Variants in KCNMA1 observed in about 807,000 individuals in gnomAD.
KCNMA1 encodes the protein potassium calcium-activated channel subfamily M alpha 1.
Under a neutral mutation model 140.0 loss-of-function variants are expected in KCNMA1, and 29 were observed. That is an observed-to-expected ratio of 0.21 (90% CI 0.15 to 0.28). The LOEUF (loss-of-function observed/expected upper bound fraction) is 0.28, where lower values mean the gene tolerates loss of function less well. Ranked by LOEUF, KCNMA1 falls within the 10% of genes least tolerant of loss-of-function variation. The probability of loss-of-function intolerance (pLI) is 1.00; values close to 1 mark genes in which losing one functional copy is unlikely to be tolerated. For synonymous variants in KCNMA1, 612 were observed against 611.9 expected, an observed-to-expected ratio of 1.00 and a Z score of 0.00; for missense variants, 880 against 1,602.2, an observed-to-expected ratio of 0.55 and a Z score of 7.70.
chr10:77,491,433 C>T (rs74365053), intron 1 of KCNMA1, among the ~76,000 whole-genome samples: 1 of 152,148 alleles, frequency 6.6e-6, no homozygotes, highest in African/African-American at 2.4e-5. Context: ...ATTCCCCCCA[C>T]GGCGTGCTAT....
At chr10:77,438,719 A>G (rs1229377958) in intron 1 of KCNMA1, among the ~76,000 whole-genome samples, 1 of 152,234 alleles carries the variant, frequency 6.6e-6, no homozygotes, top group Non-Finnish European at 1.5e-5. Context: ...GGGCAGAGCC[A>G]GGATTGGCTA....
intron 23 of KCNMA1, among the ~76,000 whole-genome samples, chr10:76,922,551 T>C (rs2056248699): frequency 6.6e-6 from 1 of 152,156 alleles, no homozygotes; most frequent in South Asian, 2.1e-4. Context: ...GGCCTGTCCG[T>C]ATTCTCCCCA....
At chr10:77,502,340 C>A (rs919158541) in intron 1 of KCNMA1, among the ~76,000 whole-genome samples, 1 of 152,242 alleles carries the variant, frequency 6.6e-6, no homozygotes, top group South Asian at 2.1e-4. Flanking sequence ...GACGAGGAGA[C>A]GGAGGCCCGT....
chr10:76,969,575 C>G (rs2075384445), intron 20 of KCNMA1, among the ~76,000 whole-genome samples: 1 of 152,156 alleles, frequency 6.6e-6, no homozygotes, highest in Non-Finnish European at 1.5e-5. Flanking sequence ...GTACAGAAAA[C>G]AGTCCTCGGA....
chr10:77,432,869 G>C (rs1603618311), intron 1 of KCNMA1, among the ~76,000 whole-genome samples: 1 of 152,250 alleles, frequency 6.6e-6, no homozygotes, highest in African/African-American at 2.4e-5. Context: ...GGGGCAGGGA[G>C]GGAAGAAGGA....
chr10:77,505,154 T>C (rs2045375034), intron 1 of KCNMA1, among the ~76,000 whole-genome samples: 1 of 152,236 alleles, frequency 6.6e-6, no homozygotes, highest in Non-Finnish European at 1.5e-5. Flanking sequence ...GCCCCCTTGC[T>C]ACGTGCCTGG....
chr10:77,085,718 T>C (rs974693054), intron 11 of KCNMA1, among the ~76,000 whole-genome samples: 2 of 152,202 alleles, frequency 1.3e-5, no homozygotes, highest in African/African-American at 2.4e-5. Flanking sequence ...GGATTATTCA[T>C]CTTGGCCAAT....
At chr10:77,261,521 AT>A (rs2062002781) in intron 2 of KCNMA1, among the ~76,000 whole-genome samples, 2 of 152,230 alleles carry the variant, frequency 1.3e-5, no homozygotes, top group South Asian at 4.1e-4. Flanking sequence ...TGTTCATCTC[AT>A]TTTGCCCAAA....
chr10:76,887,782 G>C, intron 27 of KCNMA1: 1 of 496,514 alleles, frequency 2.0e-6, no homozygotes, highest in East Asian at 3.8e-5. Context: ...CGCTTCTCGT[G>C]GTCTACATGT....
At chr10:76,946,098 C>T (rs2063863659) in intron 22 of KCNMA1, among the ~76,000 whole-genome samples, 1 of 151,822 alleles carries the variant, frequency 6.6e-6, no homozygotes, top group Admixed American at 6.6e-5. Flanking sequence ...TGGAAAAATC[C>T]CAGATCCAGG....
chr10:77,028,318 C>T (rs904092647), intron 15 of KCNMA1, among the ~76,000 whole-genome samples: 1 of 152,126 alleles, frequency 6.6e-6, no homozygotes, highest in Admixed American at 6.5e-5. Flanking sequence ...TTGTTCCGAG[C>T]AGACCCCTGT....
intron 5 of KCNMA1, among the ~76,000 whole-genome samples, chr10:77,143,859 TA>T (rs2098234354): frequency 6.6e-6 from 1 of 152,048 alleles, no homozygotes; most frequent in Non-Finnish European, 1.5e-5. Context: ...AAATAAAAAT[TA>T]AAACTACAAC....
chr10:77,384,077 T>C (rs545826538), intron 2 of KCNMA1, among the ~76,000 whole-genome samples: 2 of 152,360 alleles, frequency 1.3e-5, no homozygotes, highest in South Asian at 4.1e-4. Flanking sequence ...CTGACTCTAA[T>C]GGTTCTAGAT....
intron 1 of KCNMA1, among the ~76,000 whole-genome samples, chr10:77,559,358 G>T (rs2065593127): frequency 6.6e-6 from 1 of 152,190 alleles, no homozygotes; most frequent in African/African-American, 2.4e-5. Flanking sequence ...TGAAGGGTTG[G>T]ACCTGGCACA....
intron 23 of KCNMA1, among the ~76,000 whole-genome samples, chr10:76,933,224 G>A (rs141813245): frequency 9.7e-4 from 147 of 152,298 alleles, no homozygotes; most frequent in African/African-American, 3.5e-3. Context: ...CACGTTAAGA[G>A]AGAACAGGCT....
At chr10:77,037,201 G>A (rs1015678279) in intron 15 of KCNMA1, among the ~76,000 whole-genome samples, 5 of 152,184 alleles carry the variant, frequency 3.3e-5, no homozygotes, top group Non-Finnish European at 7.3e-5. Flanking sequence ...CAGTGGGTCA[G>A]GGTTGGCAAA....
chr10:76,902,864 A>T (rs182921645), intron 25 of KCNMA1: 82 of 152,354 alleles, frequency 5.4e-4, no homozygotes, highest in African/African-American at 1.9e-3. Context: ...GAAACTTCTG[A>T]TAGACAAAGC....
At chr10:77,572,569 C>CTATCTATCTAT (rs2071879711) in intron 1 of KCNMA1, among the ~76,000 whole-genome samples, 5 of 37,568 alleles carry the variant, frequency 1.3e-4, no homozygotes, top group African/African-American at 4.3e-4. Context: ...AAAAAAAATC[C>CTATCTATCTAT]ATATATATAT....
At chr10:76,947,995 GTTTC>G (rs1565117245) in intron 22 of KCNMA1, among the ~76,000 whole-genome samples, 1 of 2,444 alleles carries the variant, frequency 4.1e-4, no homozygotes, top group Non-Finnish European at 8.9e-4. Flanking sequence ...TTCCTCAGTT[GTTTC>G]TTGTTTTGTT....
Sources: gnomAD v4.1 joint callset for allele counts (sites outside exome capture counted in the v4.1 genomes callset) on GRCh38, gnomAD v4.1.1 for gene constraint, MANE v1.5 for transcripts, NCBI Gene and HGNC (gene_info 2026-07-23, HGNC 2026-07-21) for gene names.